Variants in RYR2 observed in about 807,000 individuals in gnomAD.
The protein encoded by RYR2 is ryanodine receptor 2.
A neutral mutation model predicts 601.1 loss-of-function variants in RYR2; 227 were observed. The observed-to-expected ratio is 0.38, with a 90% CI of 0.34 to 0.42. The LOEUF (loss-of-function observed/expected upper bound fraction) is 0.42, where lower values mean the gene tolerates loss of function less well. Ranked by LOEUF, RYR2 falls within the 10% of genes least tolerant of loss-of-function variation. The probability of loss-of-function intolerance (pLI) is 1.00; values close to 1 mark genes in which losing one functional copy is unlikely to be tolerated. For synonymous variants in RYR2, 2,223 were observed against 2,175.1 expected, an observed-to-expected ratio of 1.02 and a Z score of -0.61; for missense variants, 4,646 against 6,156.5, an observed-to-expected ratio of 0.75 and a Z score of 8.21.
Position 237,698,959 on chromosome 1 carries a change from C to G in RYR2, c.9068-6C>G, listed in dbSNP as rs1163514620. 4 of 1,532,404 alleles carry G rather than the reference C, an allele frequency of 2.6e-6. No individual in the cohort carries two copies. Among genetic ancestry groups the G allele is most frequent in the Non-Finnish European group, 3.5e-6 (4 of 1,128,742 alleles). 94.9% of individuals were successfully genotyped at this position (1,532,404 alleles called of 1,614,324 possible). A position where few individuals can be genotyped will look rare whatever the true frequency, so the allele number is the denominator to read the frequency against. Reference sequence around the variant, plus strand: ...CAATTTATACAGCATTTTGTTTCCTCTTTAGGCAATGATGCAACATCAATT... The same window carrying G: ...CAATTTATACAGCATTTTGTTTCCTGTTTAGGCAATGATGCAACATCAATT... On this transcript the variant is annotated splice_polypyrimidine_tract_variant and splice_region_variant and intron_variant, in intron 63 of 104. Transcript: ENST00000366574.
At chr1:237,655,280 T>A (rs1238224611) in intron 52 of RYR2, among the ~76,000 whole-genome samples, 1 of 152,194 alleles carries the variant, frequency 6.6e-6, no homozygotes, top group Admixed American at 6.5e-5. Context: ...TAAATTTAAC[T>A]GTCATTAATA....
At chr1:237,507,538 A>G (rs1020142761) in intron 23 of RYR2, among the ~76,000 whole-genome samples, 4 of 152,232 alleles carry the variant, frequency 2.6e-5, no homozygotes, top group Non-Finnish European at 4.4e-5. Flanking sequence ...TTCATAGTTT[A>G]TTGCATTGAG....
intron 1 of RYR2, among the ~76,000 whole-genome samples, chr1:237,140,610 A>T (rs1324194482): frequency 6.6e-6 from 1 of 152,216 alleles, no homozygotes; most frequent in African/African-American, 2.4e-5. Context: ...TCATTTCCAG[A>T]TGTGTAAATA....
At chr1:237,806,310 T>C in intron 99 of RYR2, 27 bp downstream of exon 99, 5 of 1,581,240 alleles carry the variant, frequency 3.2e-6, no homozygotes, top group Non-Finnish European at 4.3e-6. Flanking sequence ...TTTCCTCCCT[T>C]GCAGAAAATA....
intron 1 of RYR2, among the ~76,000 whole-genome samples, chr1:237,171,052 G>A (rs1320226464): frequency 6.6e-6 from 1 of 152,016 alleles, no homozygotes; most frequent in Non-Finnish European, 1.5e-5. Flanking sequence ...GGCTAACACA[G>A]TGAAACCCCG....
At chr1:237,303,326 G>A (rs1236532349) in intron 2 of RYR2, among the ~76,000 whole-genome samples, 2 of 119,666 alleles carry the variant, frequency 1.7e-5, no homozygotes, top group Non-Finnish European at 3.2e-5. Context: ...TTGAGACAGA[G>A]TCTTGCTCTA....
chr1:237,492,415 T>C (rs571179355), intron 18 of RYR2, among the ~76,000 whole-genome samples: 1 of 152,352 alleles, frequency 6.6e-6, no homozygotes, highest in Admixed American at 6.5e-5. Context: ...TCAATTTATA[T>C]ATGAAGAAAA....
intron 1 of RYR2, among the ~76,000 whole-genome samples, chr1:237,144,920 A>T (rs1673821405): frequency 6.6e-6 from 1 of 152,114 alleles, no homozygotes; most frequent in African/African-American, 2.4e-5. Context: ...CCCTAACCTG[A>T]ATTTTGTGTT....
chr1:237,400,108 T>A (rs183470964), intron 10 of RYR2, among the ~76,000 whole-genome samples: 1 of 152,240 alleles, frequency 6.6e-6, no homozygotes, highest in East Asian at 1.9e-4. Flanking sequence ...TTTGGGAGAT[T>A]GTATCAAAAT....
At position 237,088,818 on chromosome 1, in the gene RYR2, T is replaced by C. The variant is rs558441662; in HGVS notation, c.48+46249T>C. Among the ~76,000 whole-genome samples, 4 of 152,346 alleles carry C rather than the reference T, an allele frequency of 2.6e-5. No individual in the cohort carries two copies. In the South Asian group the frequency reaches 8.3e-4, roughly 32 times the overall value. On this transcript the variant is annotated intron_variant, in intron 1 of 104. Transcript: ENST00000366574. ...TTAGGTTAAGTTGTCATGTGAAGGA[T>C]ACAAGATATGGCTCATAATATCTTA...
intron 3 of RYR2, among the ~76,000 whole-genome samples, chr1:237,344,210 C>T (rs978450879): frequency 2.0e-5 from 3 of 152,256 alleles, no homozygotes; most frequent in South Asian, 2.1e-4. Context: ...AGCTAATGAT[C>T]GGATTATTCT....
intron 63 of RYR2, 103 bp from the exon 64 acceptor site, chr1:237,698,862 C>A: frequency 1.6e-6 from 1 of 622,774 alleles, no homozygotes; most frequent in Non-Finnish European, 2.8e-6. Context: ...TAAAATATTA[C>A]TGTTGTGTCA....
chr1:237,122,453 G>A lies in RYR2; in HGVS notation c.48+79884G>A, dbSNP rs139894024. ...TCCCAGCACCTTGGGAGGTCGAGGC[G>A]GGGGGATCACTTGAGGCCAGGAGTT... On this transcript the variant is annotated intron_variant, in intron 1 of 104. Coordinates refer to ENST00000366574, the MANE Select transcript of RYR2 (RefSeq NM_001035.3). Among the ~76,000 whole-genome samples, 779 of 152,172 alleles carry A rather than the reference G, an allele frequency of 5.1e-3. 6 individuals carry two copies. Among genetic ancestry groups the A allele is most frequent in the Non-Finnish European group, 7.5e-3 (513 of 68,002 alleles).
At position 237,781,991 on chromosome 1, in the gene RYR2, A is replaced by G. The variant is rs369278314; in HGVS notation, c.11962+345A>G. Among the ~76,000 whole-genome samples the G allele has an allele frequency of 1.2e-4, 19 of 152,156 alleles. No homozygotes were observed. The East Asian group carries it at 3.5e-3, about 28-fold the overall frequency. ...AGTGGGGGTTTCGGACATTTGGGTAACAGTCAGCTGTGTAAGCTGCTGCTT... is the reference window on the plus strand; with the variant it reads ...AGTGGGGGTTTCGGACATTTGGGTAGCAGTCAGCTGTGTAAGCTGCTGCTT... On this transcript the variant is annotated intron_variant, in intron 89 of 104. Transcript: ENST00000366574.
chr1:237,662,246 T>C (rs1298338344), intron 56 of RYR2, among the ~76,000 whole-genome samples: 1 of 152,142 alleles, frequency 6.6e-6, no homozygotes, highest in Non-Finnish European at 1.5e-5. Flanking sequence ...AAAGTGTATT[T>C]TATCTATTTT....
Position 237,643,415 on chromosome 1 carries a change from G to C in RYR2, c.7310G>C (p.Ser2437Thr). ...CTGGGAGATTTGGTGGGCGTTATCA[G>C]CATCGCTTTTCAGATGCCAACAATA... ...IPLGDLVGVI[S>T]IAFQMPTIAK... is the part of the protein sequence containing the mutation. Residue 2437 changes from serine (S) to threonine (T), a missense_variant, in exon 48 of 105, where the codon AGC (serine) becomes ACC (threonine). Transcript: ENST00000366574. The C allele has an allele frequency of 6.2e-7, 1 of 1,613,826 alleles. No individual in the cohort carries two copies. The highest frequency in any genetic ancestry group is 1.1e-5 in the South Asian group (1 of 91,086).
intron 1 of RYR2, among the ~76,000 whole-genome samples, chr1:237,216,685 G>A (rs1296491720): frequency 4.0e-5 from 6 of 150,514 alleles, no homozygotes; most frequent in African/African-American, 7.3e-5. Context: ...TGCAGTGAGC[G>A]AGATCGTACT....
intron 1 of RYR2, among the ~76,000 whole-genome samples, chr1:237,268,047 G>A (rs879535179): frequency 1.3e-5 from 2 of 152,094 alleles, no homozygotes; most frequent in South Asian, 2.1e-4. Flanking sequence ...CTCTTCTTCC[G>A]GGGCTTACTG....
intron 1 of RYR2, among the ~76,000 whole-genome samples, chr1:237,230,074 A>G (rs1160686970): frequency 6.6e-6 from 1 of 152,182 alleles, no homozygotes; most frequent in African/African-American, 2.4e-5. Flanking sequence ...GGTGGATAAA[A>G]TGTGGAAATA....
Sources: allele counts gnomAD v4.1 joint callset (sites outside exome capture counted in the v4.1 genomes callset), GRCh38; gene constraint gnomAD v4.1.1; transcripts MANE v1.5; gene names NCBI Gene and HGNC (gene_info 2026-07-23, HGNC 2026-07-21).